Variants in ARHGEF9 observed in about 807,000 individuals in gnomAD.
ARHGEF9 encodes Cdc42 guanine nucleotide exchange factor 9.
Under a neutral mutation model 41.3 loss-of-function variants are expected in ARHGEF9, and 2 were observed. That is an observed-to-expected ratio of 0.05 (90% confidence interval 0.02 to 0.15). The LOEUF (loss-of-function observed/expected upper bound fraction) is 0.15, where lower values mean the gene tolerates loss of function less well. Among genes scored for constraint, ARHGEF9 ranks in the 10% least tolerant of loss-of-function variants. The probability of loss-of-function intolerance (pLI) is 1.00; values close to 1 mark genes in which losing one functional copy is unlikely to be tolerated. For synonymous variants in ARHGEF9, 160 were observed against 154.4 expected (o/e 1.04, Z -0.27); for missense variants, 225 against 424.7 (o/e 0.53, Z 4.13).
chrX:63,653,307 G>A (rs1569439009), intron 8 of ARHGEF9, among the ~76,000 whole-genome samples: 1 of 111,522 alleles, frequency 9.0e-6, no homozygotes, highest in African/African-American at 3.3e-5. Context: ...CTGACTGCCT[G>A]TAGATGACAG....
intron 1 of ARHGEF9, among the ~76,000 whole-genome samples, chrX:63,782,477 C>G (rs2056397984): frequency 8.9e-6 from 1 of 112,189 alleles, no homozygotes; most frequent in East Asian, 2.8e-4. Context: ...GAATAAATAA[C>G]AATTTACCGT....
At chrX:63,715,677 C>G in intron 2 of ARHGEF9, among the ~76,000 whole-genome samples, 2 of 112,101 alleles carry the variant, frequency 1.8e-5, no homozygotes, top group Middle Eastern at 9.3e-3. Flanking sequence ...AGCCTGTATC[C>G]AGGCTGATGT....
chrX:63,706,474 T>C lies in ARHGEF9; in HGVS notation c.211-25A>G, dbSNP rs1488391978. ...GCTGTGGAAGCAGGCAAAAGAAAAA[T>C]AATGAGTTAGCTTCCTTCTTTGGGA... On this transcript the variant is annotated intron_variant, in intron 2 of 9. Transcript: ENST00000671741. 8 of 1,184,751 alleles carry C rather than the reference T, an allele frequency of 6.8e-6. No homozygotes were observed. In the Admixed American group the frequency reaches 1.4e-4, roughly 20 times the overall value.
intron 2 of ARHGEF9, chrX:63,722,975 C>G (rs1292827299): frequency 9.0e-6 from 1 of 111,556 alleles, no homozygotes; most frequent in Non-Finnish European, 1.9e-5. Context: ...TTTGTCCATT[C>G]CTCTGCTTCT....
rs782083500 is a variant in ARHGEF9, at chrX:63,749,412, G to A, written c.31-24701C>T. Reference sequence around the variant, plus strand: ...CGCCCGGCTAATTTTTGTATTTTTAGTAGAGACAGGGTTTCACCATGTTGG... The same window carrying A: ...CGCCCGGCTAATTTTTGTATTTTTAATAGAGACAGGGTTTCACCATGTTGG... On this transcript the variant is annotated intron_variant, in intron 1 of 9. Coordinates refer to ENST00000671741, the MANE Select transcript of ARHGEF9 (RefSeq NM_001353921.2). Among the ~76,000 whole-genome samples the A allele has an allele frequency of 9.0e-5, 10 of 111,037 alleles. No individual in the cohort carries two copies. The South Asian group carries it at 1.9e-3, about 21-fold the overall frequency.
chrX:63,637,934 G>T lies in ARHGEF9; in HGVS notation c.*94C>A, dbSNP rs782671119. 1 of 730,254 alleles carries T rather than the reference G, an allele frequency of 1.4e-6. No homozygotes were observed. Among genetic ancestry groups the T allele is most frequent in the Non-Finnish European group, 2.0e-6 (1 of 506,937 alleles). The allele number at this position is 730,254 out of a possible 1,213,427, so 60.2% of individuals were successfully genotyped here. A position where few individuals can be genotyped will look rare whatever the true frequency, so the allele number is the denominator to read the frequency against. On this transcript the variant is annotated 3_prime_UTR_variant, in exon 10 of 10. Coordinates refer to ENST00000671741, the MANE Select transcript of ARHGEF9 (RefSeq NM_001353921.2). ...CAAGGGTCTCTGTGTGTGTGTGTGT[G>T]TATAAATTTCAACAGTGCTTCTCCG...
intron 8 of ARHGEF9, among the ~76,000 whole-genome samples, chrX:63,647,690 C>A (rs1463690847): frequency 9.0e-6 from 1 of 111,045 alleles, no homozygotes; most frequent in East Asian, 2.8e-4. Flanking sequence ...GTCTAAAATT[C>A]TCTTTTTTTG....
chrX:63,772,138 C>T (rs1462107937), intron 1 of ARHGEF9, among the ~76,000 whole-genome samples: 1 of 112,341 alleles, frequency 8.9e-6, no homozygotes, highest in African/African-American at 3.2e-5. Context: ...CAGGTGAAGT[C>T]ACTTACTCAA....
intron 2 of ARHGEF9, among the ~76,000 whole-genome samples, chrX:63,709,805 A>C (rs1406588082): frequency 1.8e-5 from 2 of 111,682 alleles, no homozygotes; most frequent in Admixed American, 9.5e-5. Flanking sequence ...CTTTAATCCC[A>C]TGCTCAAACA....
At chrX:63,775,628 A>G (rs1233735130) in intron 1 of ARHGEF9, among the ~76,000 whole-genome samples, 1 of 111,968 alleles carries the variant, frequency 8.9e-6, no homozygotes, top group African/African-American at 3.2e-5. Flanking sequence ...AACATTGAGT[A>G]CACATGGACA....
intron 4 of ARHGEF9, among the ~76,000 whole-genome samples, chrX:63,688,684 C>T (rs2051138570): frequency 1.8e-5 from 2 of 111,654 alleles, no homozygotes; most frequent in African/African-American, 3.3e-5. Flanking sequence ...ATAGGAGAAT[C>T]GCTTGAACTC....
chrX:63,654,652 GC>G (rs2048769679), intron 8 of ARHGEF9, among the ~76,000 whole-genome samples: 1 of 111,653 alleles, frequency 9.0e-6, no homozygotes, highest in South Asian at 3.8e-4. Flanking sequence ...CAATGAGTAG[GC>G]CCATTTTTCT....
rs1556388923 is a variant in ARHGEF9 at position 63,697,110 on chromosome X, GGATAA to G, written c.582+10_582+14del. On this transcript the variant is annotated intron_variant, in intron 4 of 9. Coordinates refer to ENST00000671741, the MANE Select transcript of ARHGEF9 (RefSeq NM_001353921.2). ...ACACCTCTCAAAACCCTCCCCAAATGGATAAGATACTTACGTGCTCTAGGAAGCAG... is the reference window on the plus strand; with the variant it reads ...ACACCTCTCAAAACCCTCCCCAAATGGATACTTACGTGCTCTAGGAAGCAG... 1 of 1,206,215 alleles carries G rather than the reference GGATAA, an allele frequency of 8.3e-7. No individual in the cohort carries two copies. The highest frequency in any genetic ancestry group is 2.2e-5 in the Admixed American group (1 of 45,498).
At chrX:63,685,076 A>G (rs1207670658) in intron 4 of ARHGEF9, among the ~76,000 whole-genome samples, 2 of 111,042 alleles carry the variant, frequency 1.8e-5, no homozygotes, top group Admixed American at 9.6e-5. Flanking sequence ...TAGAGTCAAC[A>G]TTATTGTATT....
At chrX:63,676,402 A>T (rs186495697) in intron 5 of ARHGEF9, among the ~76,000 whole-genome samples, 1 of 112,079 alleles carries the variant, frequency 8.9e-6, no homozygotes, top group East Asian at 2.8e-4. Flanking sequence ...TCTTCAAAAC[A>T]CACTCTAGAA....
chrX:63,718,730 G>C (rs2053471121), intron 2 of ARHGEF9, among the ~76,000 whole-genome samples: 1 of 112,260 alleles, frequency 8.9e-6, no homozygotes, highest in African/African-American at 3.2e-5. Flanking sequence ...CAGCATAAGG[G>C]CTAGTAGCTG....
chrX:63,663,926 G>C (rs1475717593), intron 7 of ARHGEF9, among the ~76,000 whole-genome samples: 3 of 112,194 alleles, frequency 2.7e-5, no homozygotes, highest in Non-Finnish European at 5.6e-5. Context: ...CCAGTGTCAA[G>C]AACACCCAGG....
At chrX:63,709,518 C>T (rs1381416529) in intron 2 of ARHGEF9, among the ~76,000 whole-genome samples, 2 of 111,572 alleles carry the variant, frequency 1.8e-5, no homozygotes, top group East Asian at 2.8e-4. Flanking sequence ...CTGAACAAGT[C>T]CCTGGGTGAT....
At chrX:63,779,586 G>T in intron 1 of ARHGEF9, among the ~76,000 whole-genome samples, 1 of 111,990 alleles carries the variant, frequency 8.9e-6, no homozygotes, top group Non-Finnish European at 1.9e-5. Flanking sequence ...TGAGACTGGG[G>T]TGGGGACACA....
Sources: gnomAD v4.1 joint callset for allele counts (sites outside exome capture counted in the v4.1 genomes callset) on GRCh38, gnomAD v4.1.1 for gene constraint, MANE v1.5 for transcripts, NCBI Gene and HGNC (gene_info 2026-07-23, HGNC 2026-07-21) for gene names.